The following FAM149A variants were observed in gnomAD, a reference collection of about 807,000 sequenced individuals.
FAM149A encodes protein FAM149A.
Under a neutral mutation model 78.2 loss-of-function variants are expected in FAM149A, and 71 were observed. That is an observed-to-expected ratio of 0.91 (90% CI 0.75 to 1.11). The LOEUF is 1.11. FAM149A is among the 50% of genes least tolerant of loss of function. The probability of loss-of-function intolerance (pLI) is 0.00; values close to 1 mark genes in which losing one functional copy is unlikely to be tolerated. For missense variants in FAM149A, 1,036 were observed against 971.0 expected (o/e 1.07, Z -0.89); for synonymous variants, 446 against 410.5 (o/e 1.09, Z -1.04).
chr4:186,170,251 G>A (rs1025615089), intron 13 of FAM149A, among the ~76,000 whole-genome samples: 4 of 152,214 alleles, frequency 2.6e-5, no homozygotes, highest in Non-Finnish European at 4.4e-5. Flanking sequence ...GCCTTGGCAC[G>A]GAAGTCCTAG....
intron 1 of FAM149A, among the ~76,000 whole-genome samples, chr4:186,147,840 C>T (rs1471587802): frequency 6.6e-6 from 1 of 151,934 alleles, no homozygotes; most frequent in Non-Finnish European, 1.5e-5. Flanking sequence ...TAAAGCGTGT[C>T]CTTTATTCTT....
intron 4 of FAM149A, among the ~76,000 whole-genome samples, chr4:186,152,275 A>T (rs1733642998): frequency 6.6e-6 from 1 of 152,218 alleles, no homozygotes; most frequent in South Asian, 2.1e-4. Context: ...AATTCAGGCC[A>T]TCCTGAGAAG....
intron 1 of FAM149A, among the ~76,000 whole-genome samples, chr4:186,130,672 T>G (rs577613159): frequency 3.3e-5 from 5 of 152,080 alleles, no homozygotes. Context: ...TATGTATAAT[T>G]TTTTGGAGTC....
At chr4:186,149,842 T>C in intron 3 of FAM149A, 138 bp downstream of exon 3, 1 of 467,864 alleles carries the variant, frequency 2.1e-6, no homozygotes, top group Non-Finnish European at 3.3e-6. Context: ...TGTAAAAGCA[T>C]GTACATGTTA....
In FAM149A at chr4:186,105,601, C is replaced by G. The variant is rs2099308411; in HGVS notation, c.525C>G (p.Gly175=). The G allele has an allele frequency of 9.5e-7, 1 of 1,052,286 alleles. No homozygotes were observed. The highest frequency in any genetic ancestry group is 1.2e-6 in the Non-Finnish European group (1 of 867,134). 65.2% of individuals were successfully genotyped at this position (1,052,286 alleles called of 1,614,324 possible). The change falls in exon 1 of 14, where the codon GGC becomes GGG. Residue 175 remains glycine, a synonymous_variant. Coordinates refer to ENST00000389354, the MANE Select transcript of FAM149A (RefSeq NM_001367768.3). ...TGTTCCTTACGCTGCCTGACATCGG[C>G]GAGGAGGGGGCCTCGGACGGCGACT...
intron 1 of FAM149A, chr4:186,126,942 A>G (rs2099318572): frequency 3.0e-6 from 3 of 985,196 alleles, no homozygotes; most frequent in South Asian, 9.4e-5. Flanking sequence ...TTTTGAGCTA[A>G]TTTTCTGCTT....
rs1735632310 is a variant in FAM149A at position 186,173,424 on chromosome 4, C to T, written c.*1437C>T. Among the ~76,000 whole-genome samples the T allele has an allele frequency of 9.0e-6, 1 of 111,408 alleles. No individual in the cohort carries two copies. 73.1% of individuals were successfully genotyped at this position (111,408 alleles called of 152,430 possible). On this transcript the variant is annotated 3_prime_UTR_variant, in exon 14 of 14. Coordinates refer to ENST00000389354, the MANE Select transcript of FAM149A (RefSeq NM_001367768.3). ...CTGGAGTGCAGTGGCACGATCTCGG[C>T]TCACTACAACCTCCACCTCCTGGGC...
intron 1 of FAM149A, chr4:186,124,100 C>T (rs1160419735): frequency 1.0e-6 from 1 of 984,712 alleles, no homozygotes; most frequent in Non-Finnish European, 1.2e-6. Flanking sequence ...AGAGGTGTAT[C>T]CTTGGTCAGA....
intron 13 of FAM149A, among the ~76,000 whole-genome samples, chr4:186,167,867 C>T (rs931309587): frequency 6.6e-6 from 1 of 152,056 alleles, no homozygotes; most frequent in South Asian, 2.1e-4. Context: ...GGCTGTGCAA[C>T]CCTAGGAATG....
At chr4:186,108,651 C>G (rs574860778) in intron 1 of FAM149A, among the ~76,000 whole-genome samples, 1 of 152,258 alleles carries the variant, frequency 6.6e-6, no homozygotes, top group South Asian at 2.1e-4. Flanking sequence ...ACTGATCTCT[C>G]TGTCTTCACC....
chr4:186,119,263 A>G (rs1046429427), intron 1 of FAM149A, among the ~76,000 whole-genome samples: 1 of 152,228 alleles, frequency 6.6e-6, no homozygotes, highest in African/African-American at 2.4e-5. Flanking sequence ...GACACCATGT[A>G]CTACGTAGTA....
chr4:186,138,634 A>AC (rs2099324527), intron 1 of FAM149A, among the ~76,000 whole-genome samples: 1 of 152,150 alleles, frequency 6.6e-6, no homozygotes, highest in Admixed American at 6.5e-5. Context: ...ACGACAGTTT[A>AC]GGGGAGTACT....
rs778364089 is a variant in FAM149A at position 186,171,960 on chromosome 4, C to G, written c.2265C>G (p.Phe755Leu). Residue 755 changes from phenylalanine (F) to leucine (L), a missense_variant, in exon 14 of 14, where the codon TTC (phenylalanine) becomes TTG (leucine). This residue lies in a region of FAM149A where 716 missense variants were observed against 711.8 expected (regional missense o/e 1.01). Coordinates refer to ENST00000389354, the MANE Select transcript of FAM149A (RefSeq NM_001367768.3). ...CTTTTCAGAGGACAACTTTGACTTT[C>G]AAGAGGAGATTCCAAGTGACATCTT... is the stretch of plus-strand genomic sequence containing the variant. 7.7e-5 allele frequency: 124 copies of G among 1,612,736 alleles called. No homozygotes were observed. In the East Asian group the frequency reaches 2.7e-3, roughly 35 times the overall value.
At chr4:186,154,918 A>G in intron 6 of FAM149A, 1 of 985,004 alleles carries the variant, frequency 1.0e-6, no homozygotes, top group Non-Finnish European at 1.2e-6. Flanking sequence ...TGGCTGCCCA[A>G]AAGGGCCTAA....
At chr4:186,129,964 A>G (rs951673575) in intron 1 of FAM149A, 5 of 152,168 alleles carry the variant, frequency 3.3e-5, no homozygotes, top group Admixed American at 6.6e-5. Context: ...CTGTGAGAAG[A>G]TATAAGAATT....
At chr4:186,156,373 T>TA (rs200047418) in intron 7 of FAM149A, among the ~76,000 whole-genome samples, 183 bp downstream of exon 7, 1,929 of 152,184 alleles carry the variant, frequency 0.013, 25 homozygotes, top group Non-Finnish European at 0.019. Context: ...TTTTGTGTTA[T>TA]AAAAAATAAT....
intron 3 of FAM149A, among the ~76,000 whole-genome samples, chr4:186,151,273 T>C (rs2126467765): frequency 6.6e-6 from 1 of 152,294 alleles, no homozygotes; most frequent in African/African-American, 2.4e-5. Flanking sequence ...GCACCACTGC[T>C]TTACTCTGTC....
chr4:186,123,687 G>T, intron 1 of FAM149A: 1 of 307,394 alleles, frequency 3.3e-6, no homozygotes, highest in Non-Finnish European at 4.8e-6. Context: ...TGTGGCTGCT[G>T]CTTTTGCAGC....
At position 186,143,927 on chromosome 4, in the gene FAM149A, G is replaced by T. The variant is rs188880416; in HGVS notation, c.567-5246G>T. The stretch of plus-strand genomic sequence containing the variant: ...TTTAGTAAAAACTCGGAAATACATG[G>T]TTTACCTCTGTAAATACGGGATACT... On this transcript the variant is annotated intron_variant, in intron 1 of 13. Transcript: ENST00000389354. 2.0e-5 allele frequency: 3 copies of T among 152,294 alleles called. No individual in the cohort carries two copies. The East Asian group carries it at 5.8e-4, about 29-fold the overall frequency. 9.4% of individuals were successfully genotyped at this position (152,294 alleles called of 1,614,324 possible). A position where few individuals can be genotyped will look rare whatever the true frequency, so the allele number is the denominator to read the frequency against.
Sources: allele counts gnomAD v4.1 joint callset (sites outside exome capture counted in the v4.1 genomes callset), GRCh38; gene constraint gnomAD v4.1.1; regional missense constraint gnomAD v4.1.1; transcripts MANE v1.5; gene names NCBI Gene and HGNC (gene_info 2026-07-23, HGNC 2026-07-21).